Variants in RP1 observed in about 807,000 individuals in gnomAD.
RP1 encodes the protein RP1 axonemal microtubule associated.
Under a neutral mutation model 14.8 loss-of-function variants are expected in RP1, and 16 were observed. The observed-to-expected ratio is 1.08, with a 90% CI of 0.73 to 1.65. The LOEUF is 1.65. Ranked by LOEUF, RP1 falls within the 40% of genes most tolerant of loss-of-function variation. RP1 has a pLI of 0.00. For missense variants in RP1, 2,631 were observed against 2,535.0 expected (o/e 1.04, Z -0.81); for synonymous variants, 876 against 883.6 (o/e 0.99, Z 0.15).
At chr8:54,858,855 G>A (rs181539310) in intron 27 of RP1, among the ~76,000 whole-genome samples, 50 of 151,128 alleles carry the variant, frequency 3.3e-4, no homozygotes, top group African/African-American at 1.0e-3. Flanking sequence ...GAGTAGTGTC[G>A]CTGTAGAGTG....
chr8:54,796,756 T>C (rs963036144), intron 24 of RP1, among the ~76,000 whole-genome samples: 5 of 152,084 alleles, frequency 3.3e-5, no homozygotes, highest in African/African-American at 4.8e-5. Context: ...GGATCCAGAA[T>C]GGTGAGAGAA....
chr8:54,794,722 C>G (rs572976984), intron 24 of RP1, among the ~76,000 whole-genome samples: 1 of 151,864 alleles, frequency 6.6e-6, no homozygotes, highest in Non-Finnish European at 1.5e-5. Flanking sequence ...CAAAAATACA[C>G]AAACGGGCTG....
upstream of RP1, among the ~76,000 whole-genome samples, chr8:54,615,400 C>A (rs900334018): frequency 6.6e-6 from 1 of 152,122 alleles, no homozygotes; most frequent in African/African-American, 2.4e-5. Flanking sequence ...CGTAGGAAAC[C>A]CGATTAGGTG....
chr8:54,747,968 A>G (rs1809268954), intron 19 of RP1, among the ~76,000 whole-genome samples: 2 of 152,244 alleles, frequency 1.3e-5, no homozygotes, highest in African/African-American at 4.8e-5. Flanking sequence ...CATGTTTGCT[A>G]TACATTCTGG....
chr8:54,863,542 T>C (rs1812397555), intron 27 of RP1, among the ~76,000 whole-genome samples: 1 of 152,254 alleles, frequency 6.6e-6, no homozygotes, highest in Non-Finnish European at 1.5e-5. Flanking sequence ...CTATGTATGA[T>C]ACGAGGATGG....
At chr8:54,710,329 C>T (rs1054429563) in intron 15 of RP1, among the ~76,000 whole-genome samples, 2 of 152,206 alleles carry the variant, frequency 1.3e-5, no homozygotes, top group African/African-American at 2.4e-5. Flanking sequence ...TTAGCACCAG[C>T]AGGAGCAAAC....
At chr8:54,692,995 T>G (rs1807753717) in intron 12 of RP1, among the ~76,000 whole-genome samples, 2 of 152,162 alleles carry the variant, frequency 1.3e-5, no homozygotes, top group African/African-American at 4.8e-5. Flanking sequence ...AATTTTTGTA[T>G]AAGGTGTAAG....
chr8:54,712,793 T>A (rs1482903522), intron 15 of RP1, among the ~76,000 whole-genome samples: 1 of 152,192 alleles, frequency 6.6e-6, no homozygotes, highest in East Asian at 1.9e-4. Context: ...TGCTTCCTTG[T>A]TCTTAAGAAA....
At chr8:54,579,463 CTG>C (rs1436670422) in intron 1 of RP1, among the ~76,000 whole-genome samples, 2 of 100,444 alleles carry the variant, frequency 2.0e-5, no homozygotes, top group Non-Finnish European at 2.1e-5. Context: ...GATGAAGACT[CTG>C]GTGTCTTGTG....
chr8:54,636,704 C>G (rs1806353037), intron 3 of RP1, among the ~76,000 whole-genome samples: 1 of 152,102 alleles, frequency 6.6e-6, no homozygotes, highest in African/African-American at 2.4e-5. Context: ...CGCCACTGTA[C>G]CCCAGCCTGG....
At chr8:54,864,714 ATTTAT>A (rs1812421510) in intron 27 of RP1, among the ~76,000 whole-genome samples, 1 of 152,182 alleles carries the variant, frequency 6.6e-6, no homozygotes, top group East Asian at 1.9e-4. Flanking sequence ...CCCATAGTCA[ATTTAT>A]CTATGCCAGC....
chr8:54,730,390 T>C (rs528231637), intron 17 of RP1, among the ~76,000 whole-genome samples: 27 of 152,214 alleles, frequency 1.8e-4, no homozygotes, highest in Admixed American at 5.9e-4. Context: ...TTATATATGG[T>C]TTTAGACTCT....
intron 17 of RP1, among the ~76,000 whole-genome samples, chr8:54,734,334 G>A (rs1808861882): frequency 1.3e-5 from 2 of 152,108 alleles, no homozygotes; most frequent in South Asian, 4.1e-4. Context: ...TTCGAATCCA[G>A]TTTACTTCGG....
Position 54,625,621 on chromosome 8 carries a change from T to C in RP1, c.1739T>C (p.Val580Ala). 1 of 1,614,172 alleles carries C rather than the reference T, an allele frequency of 6.2e-7. No homozygotes were observed. Among genetic ancestry groups the C allele is most frequent in the Non-Finnish European group, 8.5e-7 (1 of 1,180,012 alleles). ...ISNNSIVEEDVVDCVVLDNKT... is the reference protein window; with the variant it reads ...ISNNSIVEEDAVDCVVLDNKT... ...AATAACTCAATTGTGGAGGAAGATG[T>C]AGTTGATTGTGTGGTATTGGACAAC... The change falls in exon 4 of 4, where the codon GTA becomes GCA. Residue 580 changes from valine (V) to alanine (A), a missense_variant. Val to Ala is a moderately conservative substitution (Grantham distance 64). Coordinates refer to ENST00000220676, the MANE Select transcript of RP1 (RefSeq NM_006269.2).
chr8:54,743,182 C>T (rs1184714896), intron 19 of RP1, among the ~76,000 whole-genome samples: 1 of 152,008 alleles, frequency 6.6e-6, no homozygotes, highest in Admixed American at 6.5e-5. Context: ...ACTCAGATTC[C>T]CAGTTGTTAA....
chr8:54,796,095 A>G (rs1437677144), intron 24 of RP1, among the ~76,000 whole-genome samples: 1 of 152,198 alleles, frequency 6.6e-6, no homozygotes, highest in Non-Finnish European at 1.5e-5. Flanking sequence ...TCGGGTGGAC[A>G]GATAGTGCAG....
intron 1 of RP1, among the ~76,000 whole-genome samples, chr8:54,582,027 T>G (rs970255017): frequency 6.6e-6 from 1 of 152,262 alleles, no homozygotes; most frequent in Non-Finnish European, 1.5e-5. Context: ...TTTGTCAATT[T>G]TGGCTTTTGT....
At chr8:54,687,493 A>G (rs1015691643) in intron 12 of RP1, among the ~76,000 whole-genome samples, 11 of 151,628 alleles carry the variant, frequency 7.3e-5, no homozygotes, top group African/African-American at 2.7e-4. Flanking sequence ...CCGGTTTGTG[A>G]TGTTCCCCTC....
At chr8:54,865,989 A>G (rs1287806341) in intron 28 of RP1, 6 of 602,702 alleles carry the variant, frequency 1.0e-5, no homozygotes, top group Non-Finnish European at 1.2e-5. Context: ...GTCCTCCAGC[A>G]TGCCTCATCC....
Sources: gnomAD v4.1 joint callset for allele counts (sites outside exome capture counted in the v4.1 genomes callset) on GRCh38, gnomAD v4.1.1 for gene constraint, MANE v1.5 for transcripts, NCBI Gene and HGNC (gene_info 2026-07-23, HGNC 2026-07-21) for gene names.